THNSL1: variants seen among roughly 807,000 people sequenced by gnomAD.
THNSL1 encodes the protein threonine synthase-like 1.
Under a neutral mutation model 50.4 loss-of-function variants are expected in THNSL1, and 48 were observed. The observed-to-expected ratio is 0.95, with a 90% CI of 0.76 to 1.21. THNSL1 has a LOEUF of 1.21. Ranked by LOEUF, THNSL1 falls within the 50% of genes most tolerant of loss-of-function variation. THNSL1 has a pLI of 0.00. For synonymous variants in THNSL1, 309 were observed against 306.1 expected, an observed-to-expected ratio of 1.01 and a Z score of -0.10; for missense variants, 896 against 871.7, an observed-to-expected ratio of 1.03 and a Z score of -0.35.
chr10:25,020,354 A>G (rs1452304743), intron 1 of THNSL1, among the ~76,000 whole-genome samples: 1 of 152,100 alleles, frequency 6.6e-6, no homozygotes. Context: ...GAACTAACAT[A>G]TAGGAAAAGT....
chr10:24,956,506 T>A, the THNSL1 span, among the ~76,000 whole-genome samples: 1 of 152,056 alleles, frequency 6.6e-6, no homozygotes, highest in Non-Finnish European at 1.5e-5. Context: ...ACTTACTTTT[T>A]TTTTTAGTTT....
At chr10:24,957,039 A>G in the THNSL1 span, among the ~76,000 whole-genome samples, 13 of 152,184 alleles carry the variant, frequency 8.5e-5, no homozygotes, top group Admixed American at 7.2e-4. Flanking sequence ...TGTCTTGCAC[A>G]AAACAGGTCT....
the THNSL1 span, among the ~76,000 whole-genome samples, chr10:24,978,572 C>T: frequency 2.6e-5 from 4 of 151,906 alleles, no homozygotes; most frequent in African/African-American, 7.3e-5. Flanking sequence ...CCTTAGAAGA[C>T]GAACACTCTG....
At chr10:24,970,717 A>C in the THNSL1 span, among the ~76,000 whole-genome samples, 2 of 144,986 alleles carry the variant, frequency 1.4e-5, no homozygotes, top group African/African-American at 5.5e-5. Flanking sequence ...TGTCTCTATT[A>C]ATAAAAAAAA....
At chr10:24,976,610 C>T in the THNSL1 span, among the ~76,000 whole-genome samples, 173 of 152,204 alleles carry the variant, frequency 1.1e-3, 3 homozygotes, top group East Asian at 0.027. Flanking sequence ...CTGCCTCAGC[C>T]TCCCAAGTAG....
the THNSL1 span, among the ~76,000 whole-genome samples, chr10:24,988,266 TTA>T: frequency 7.9e-5 from 11 of 139,910 alleles, no homozygotes; most frequent in Non-Finnish European, 9.0e-5. Flanking sequence ...ATATATATAT[TTA>T]TATATATGTG....
the THNSL1 span, chr10:24,999,657 T>C: frequency 1.0e-6 from 1 of 993,316 alleles, no homozygotes; most frequent in South Asian, 1.6e-5. Flanking sequence ...TATATTCGTA[T>C]GGAAAAGCAT....
intron 1 of THNSL1, among the ~76,000 whole-genome samples, chr10:25,018,505 T>C (rs1213693359): frequency 6.6e-6 from 1 of 152,202 alleles, no homozygotes; most frequent in Non-Finnish European, 1.5e-5. Context: ...TGAACAAATA[T>C]GTGAGCACAT....
the THNSL1 span, among the ~76,000 whole-genome samples, chr10:24,976,475 C>G: frequency 6.6e-6 from 1 of 151,970 alleles, no homozygotes; most frequent in East Asian, 1.9e-4. Flanking sequence ...ACCTATAAAG[C>G]ATTCTTTTTT....
intron 1 of THNSL1, among the ~76,000 whole-genome samples, chr10:25,020,188 ATAATAT>A (rs1162462857): frequency 2.6e-5 from 4 of 151,678 alleles, no homozygotes; most frequent in East Asian, 3.9e-4. Context: ...TTTGTGGGAA[ATAATAT>A]TGATACAGAA....
rs781366642 is a variant in THNSL1, at chr10:25,024,068, G to T, written c.845G>T (p.Ser282Ile). 6.2e-7 allele frequency: 1 copy of T among 1,614,198 alleles called. No homozygotes were observed. Among genetic ancestry groups the T allele is most frequent in the South Asian group, 1.1e-5 (1 of 91,086 alleles). The change falls in exon 3 of 3, where the codon AGC becomes ATC. Residue 282 changes from serine (S) to isoleucine (I), a missense_variant. Physicochemically the swap from Ser to Ile is moderately radical, Grantham distance 142 (BLOSUM62 -2). Coordinates refer to ENST00000376356, the MANE Select transcript of THNSL1 (RefSeq NM_024838.5). ...AAATTAAGCTGCGGGGAGTGGAAAA[G>T]CCTAGTAGGAGCAACCTACGTAGAA... ...FPKLSCGEWK[S>I]LVGATYVERA...
At chr10:24,989,943 A>T in the THNSL1 span, among the ~76,000 whole-genome samples, 1 of 152,132 alleles carries the variant, frequency 6.6e-6, no homozygotes, top group African/African-American at 2.4e-5. Flanking sequence ...TCCAATATAA[A>T]TATATCTTTA....
rs767278526 is a variant in THNSL1 at position 25,023,300 on chromosome 10, A to G, written c.77A>G (p.Asp26Gly). The change falls in exon 3 of 3, where the codon GAT becomes GGT. Residue 26 changes from aspartate (D) to glycine (G), a missense_variant. Coordinates refer to ENST00000376356, the MANE Select transcript of THNSL1 (RefSeq NM_024838.5). ...KCFSSIHVKTDKHAQRFLSRT... is the reference protein window; with the variant it reads ...KCFSSIHVKTGKHAQRFLSRT... ...TTTTCTAGTATACATGTTAAAACGGATAAACATGCACAGCGATTTCTTTCA... is the reference window on the plus strand; with the variant it reads ...TTTTCTAGTATACATGTTAAAACGGGTAAACATGCACAGCGATTTCTTTCA... 16 of 1,614,052 alleles carry G rather than the reference A, an allele frequency of 9.9e-6. No individual in the cohort carries two copies. In the South Asian group the frequency reaches 1.5e-4, roughly 16 times the overall value.
At chr10:24,987,056 C>T in the THNSL1 span, among the ~76,000 whole-genome samples, 6 of 152,204 alleles carry the variant, frequency 3.9e-5, no homozygotes, top group African/African-American at 1.4e-4. Flanking sequence ...AGCTCTTTCG[C>T]CCTCTGGCCT....
At chr10:24,961,757 C>T in the THNSL1 span, among the ~76,000 whole-genome samples, 1 of 152,116 alleles carries the variant, frequency 6.6e-6, no homozygotes, top group African/African-American at 2.4e-5. Flanking sequence ...CATTGTACTC[C>T]ATAAAGTAAT....
chr10:24,960,303 A>G, the THNSL1 span, among the ~76,000 whole-genome samples: 1 of 152,164 alleles, frequency 6.6e-6, no homozygotes, highest in South Asian at 2.1e-4. Flanking sequence ...TACTGGGCTC[A>G]TGGTTCCTTT....
At chr10:24,966,229 C>T in the THNSL1 span, among the ~76,000 whole-genome samples, 1 of 152,164 alleles carries the variant, frequency 6.6e-6, no homozygotes, top group Non-Finnish European at 1.5e-5. Context: ...ACACAATTTG[C>T]CATTTTGGCA....
the THNSL1 span, among the ~76,000 whole-genome samples, chr10:25,003,204 T>G: frequency 6.6e-6 from 1 of 152,068 alleles, no homozygotes; most frequent in Admixed American, 6.6e-5. Flanking sequence ...ATTCATTTAT[T>G]TTTTGCCCGC....
At chr10:24,988,242 A>ATATATATATGTGTATATATATATT in the THNSL1 span, among the ~76,000 whole-genome samples, 653 of 145,040 alleles carry the variant, frequency 4.5e-3, 4 homozygotes, top group Middle Eastern at 0.018. Flanking sequence ...ATGTATATAT[A>ATATATATATGTGTATATATATATT]TATATATATG....
Sources: allele counts gnomAD v4.1 joint callset (sites outside exome capture counted in the v4.1 genomes callset), GRCh38; gene constraint gnomAD v4.1.1; transcripts MANE v1.5; gene names NCBI Gene and HGNC (gene_info 2026-07-23, HGNC 2026-07-21).